SLC26A7: variants seen among roughly 807,000 people sequenced by gnomAD.
The protein encoded by SLC26A7 is anion exchange transporter.
A neutral mutation model predicts 82.5 loss-of-function variants in SLC26A7; 59 were observed. The observed-to-expected ratio is 0.72, with a 90% confidence interval of 0.58 to 0.89. The LOEUF (loss-of-function observed/expected upper bound fraction) is 0.89, where lower values mean the gene tolerates loss of function less well. SLC26A7 is among the 40% of genes least tolerant of loss of function. SLC26A7 has a pLI of 0.00. For synonymous variants in SLC26A7, 271 were observed against 274.3 expected, an observed-to-expected ratio of 0.99 and a Z score of 0.12; for missense variants, 820 against 793.0, an observed-to-expected ratio of 1.03 and a Z score of -0.41.
Position 91,395,335 on chromosome 8 carries a change from T to G in SLC26A7, c.*238T>G, listed in dbSNP as rs1433645372. ...TGTAAAAATCAGTATGTGTTTAGTT[T>G]TAGTGTACTGAAGGGTAAACATGGT... On this transcript the variant is annotated 3_prime_UTR_variant, in exon 19 of 19. Transcript: ENST00000276609. The G allele has an allele frequency of 4.0e-6, 4 of 999,870 alleles. No individual in the cohort carries two copies. Among genetic ancestry groups the G allele is most frequent in the Non-Finnish European group, 5.3e-6 (4 of 749,202 alleles). The allele number at this position is 999,870 out of a possible 1,614,324, so 61.9% of individuals were successfully genotyped here. A position where few individuals can be genotyped will look rare whatever the true frequency, so the allele number is the denominator to read the frequency against.
rs185772861 is a variant in SLC26A7, at chr8:91,268,286, A to C, written c.193+18442A>C. On this transcript the variant is annotated intron_variant, in intron 2 of 18. Coordinates refer to ENST00000276609, the MANE Select transcript of SLC26A7 (RefSeq NM_052832.4). Reference sequence around the variant, plus strand: ...ACTGATCTCTCCCTTTAGATTTATTAATATTTGATTTATATATTTGGGTGC... The same window carrying C: ...ACTGATCTCTCCCTTTAGATTTATTCATATTTGATTTATATATTTGGGTGC... Among the ~76,000 whole-genome samples the C allele has an allele frequency of 3.3e-3, 504 of 151,898 alleles. 3 individuals are homozygous for C. The highest frequency in any genetic ancestry group is 3.2e-3 in the Non-Finnish European group (218 of 67,768).
intron 4 of SLC26A7, among the ~76,000 whole-genome samples, chr8:91,299,802 T>C (rs951270016): frequency 3.9e-5 from 6 of 152,038 alleles, no homozygotes; most frequent in African/African-American, 1.4e-4. Flanking sequence ...CAGCACCAAC[T>C]TGCATTGGAG....
chr8:91,283,704 C>T (rs986739876), intron 2 of SLC26A7, among the ~76,000 whole-genome samples: 1 of 152,164 alleles, frequency 6.6e-6, no homozygotes, highest in Non-Finnish European at 1.5e-5. Context: ...AACTCTGAAG[C>T]TCAATATTCA....
At chr8:91,334,574 C>A (rs1267098973) in intron 6 of SLC26A7, 127 bp downstream of exon 6, 19 of 751,206 alleles carry the variant, frequency 2.5e-5, no homozygotes, top group Non-Finnish European at 3.8e-5. Flanking sequence ...TAAAGCAGGG[C>A]TAATTTGCAT....
At chr8:91,382,276 C>T (rs768203618) in intron 15 of SLC26A7, among the ~76,000 whole-genome samples, 5 of 152,090 alleles carry the variant, frequency 3.3e-5, no homozygotes, top group Non-Finnish European at 7.4e-5. Flanking sequence ...AGTACTACTC[C>T]CTAGCATGGC....
In SLC26A7 at chr8:91,335,101, C is replaced by T. The variant is rs536403258; in HGVS notation, c.795+654C>T. On this transcript the variant is annotated intron_variant, in intron 6 of 18. Transcript: ENST00000276609. ...CATTAAGTTGAAAATAAAATCTTAACATATAACCACAGTCTACTAATTTAC... is the reference window on the plus strand; with the variant it reads ...CATTAAGTTGAAAATAAAATCTTAATATATAACCACAGTCTACTAATTTAC... 2.6e-5 allele frequency among the ~76,000 whole-genome samples: 4 copies of T among 152,162 alleles called. No individual in the cohort carries two copies. In the East Asian group the frequency reaches 5.8e-4, roughly 22 times the overall value.
rs1448560076 is a variant in SLC26A7, at chr8:91,397,306, G to A, written c.*2209G>A. ...CTGAGAGCTTAAGAGCTAAACATGA[G>A]TTTAGACACACAAGATTCTAAAATG... On this transcript the variant is annotated 3_prime_UTR_variant, in exon 19 of 19. Transcript: ENST00000276609. 6.6e-6 allele frequency: 1 copy of A among 152,206 alleles called. No homozygotes were observed. The highest frequency in any genetic ancestry group is 1.5e-5 in the Non-Finnish European group (1 of 67,952). 9.4% of individuals were successfully genotyped at this position (152,206 alleles called of 1,614,324 possible). A position where few individuals can be genotyped will look rare whatever the true frequency, so the allele number is the denominator to read the frequency against.
chr8:91,211,244 C>T (rs868833050), intron 1 of SLC26A7, among the ~76,000 whole-genome samples: 27 of 151,088 alleles, frequency 1.8e-4, no homozygotes, highest in Middle Eastern at 3.4e-3. Flanking sequence ...TGGATTCTAG[C>T]GTTATTAAAA....
chr8:91,349,747 G>A (rs1219263051), intron 9 of SLC26A7, among the ~76,000 whole-genome samples: 4 of 152,008 alleles, frequency 2.6e-5, no homozygotes, highest in Non-Finnish European at 5.9e-5. Context: ...TTGGTTTCAG[G>A]TACATTGTAA....
chr8:91,293,072 A>G (rs1014589210), intron 3 of SLC26A7, among the ~76,000 whole-genome samples: 1 of 152,206 alleles, frequency 6.6e-6, no homozygotes, highest in African/African-American at 2.4e-5. Flanking sequence ...TTTATTCTCT[A>G]TCAAAATTTT....
At chr8:91,375,642 T>G (rs1041052366) in intron 15 of SLC26A7, among the ~76,000 whole-genome samples, 6 of 151,316 alleles carry the variant, frequency 4.0e-5, no homozygotes, top group Non-Finnish European at 8.8e-5. Context: ...AGCCCTTTTC[T>G]CTAGCTGCCT....
chr8:91,383,409 C>A (rs1213670733), intron 15 of SLC26A7, among the ~76,000 whole-genome samples: 1 of 151,802 alleles, frequency 6.6e-6, no homozygotes, highest in Non-Finnish European at 1.5e-5. Flanking sequence ...GTTTTGGGGA[C>A]TACAGAATAG....
intron 5 of SLC26A7, among the ~76,000 whole-genome samples, chr8:91,329,029 A>G (rs545970814): frequency 1.3e-5 from 2 of 152,280 alleles, no homozygotes; most frequent in Admixed American, 1.3e-4. Context: ...CTGGTTAGAT[A>G]GCTTACTTAT....
intron 15 of SLC26A7, among the ~76,000 whole-genome samples, chr8:91,374,925 T>C (rs1276460974): frequency 2.6e-5 from 4 of 152,110 alleles, no homozygotes; most frequent in Non-Finnish European, 4.4e-5. Context: ...GTTTGATGCA[T>C]ATATATTTAG....
chr8:91,370,544 G>GA (rs1479182317), intron 15 of SLC26A7, among the ~76,000 whole-genome samples: 2 of 152,002 alleles, frequency 1.3e-5, no homozygotes, highest in Non-Finnish European at 2.9e-5. Flanking sequence ...AGATTTACCT[G>GA]AAAAATCAGG....
At chr8:91,384,644 C>T (rs1279538534) in intron 15 of SLC26A7, among the ~76,000 whole-genome samples, 1 of 152,086 alleles carries the variant, frequency 6.6e-6, no homozygotes, top group Non-Finnish European at 1.5e-5. Context: ...AGTTTCCCTA[C>T]CTGATTGTGA....
Position 91,364,143 on chromosome 8 carries a change from C to T in SLC26A7, c.1488+605C>T, listed in dbSNP as rs150531980. Among the ~76,000 whole-genome samples, 526 of 152,158 alleles carry T rather than the reference C, an allele frequency of 3.5e-3. 5 individuals carry two copies. Among genetic ancestry groups the T allele is most frequent in the African/African-American group, 0.012 (497 of 41,530 alleles). On this transcript the variant is annotated intron_variant, in intron 13 of 18. Coordinates refer to ENST00000276609, the MANE Select transcript of SLC26A7 (RefSeq NM_052832.4). ...TATGTCTTAATTGTAGTTTGTTGTTCTAAGGGATGACTATAACAGTTTAAA... is the reference window on the plus strand; with the variant it reads ...TATGTCTTAATTGTAGTTTGTTGTTTTAAGGGATGACTATAACAGTTTAAA...
intron 15 of SLC26A7, among the ~76,000 whole-genome samples, chr8:91,381,994 T>C (rs905009321): frequency 6.6e-6 from 1 of 152,174 alleles, no homozygotes; most frequent in Non-Finnish European, 1.5e-5. Context: ...TGTTGTATTC[T>C]ATAGATAGAA....
intron 15 of SLC26A7, among the ~76,000 whole-genome samples, chr8:91,387,036 A>AT (rs1267130575): frequency 6.6e-6 from 1 of 152,020 alleles, no homozygotes; most frequent in African/African-American, 2.4e-5. Context: ...TATTATATAA[A>AT]TTTTTTATGT....
Sources: allele counts gnomAD v4.1 joint callset (sites outside exome capture counted in the v4.1 genomes callset), GRCh38; gene constraint gnomAD v4.1.1; transcripts MANE v1.5; gene names NCBI Gene and HGNC (gene_info 2026-07-23, HGNC 2026-07-21).